Variants in DENND1A observed in about 807,000 individuals in gnomAD.
DENND1A encodes DENN domain-containing protein 1A.
Under a neutral mutation model 113.7 loss-of-function variants are expected in DENND1A, and 51 were observed. That is an observed-to-expected ratio of 0.45 (90% CI 0.36 to 0.57). DENND1A has a LOEUF of 0.57. Among genes scored for constraint, DENND1A ranks in the 20% least tolerant of loss-of-function variants. The probability of loss-of-function intolerance (pLI) is 0.00; values close to 1 mark genes in which losing one functional copy is unlikely to be tolerated. For missense variants in DENND1A, 1,258 were observed against 1,395.9 expected, an observed-to-expected ratio of 0.90 and a Z score of 1.57; for synonymous variants, 565 against 570.8, an observed-to-expected ratio of 0.99 and a Z score of 0.14.
At chr9:123,483,999 C>A (rs892453994) in intron 13 of DENND1A, among the ~76,000 whole-genome samples, 8 of 152,156 alleles carry the variant, frequency 5.3e-5, no homozygotes, top group African/African-American at 1.9e-4. Context: ...GGAGCCATGC[C>A]ATACATGCTA....
intron 9 of DENND1A, among the ~76,000 whole-genome samples, chr9:123,632,066 T>G (rs1161639839): frequency 4.6e-5 from 7 of 151,976 alleles, no homozygotes; most frequent in Non-Finnish European, 1.5e-5. Flanking sequence ...GGCGAAAGAG[T>G]GACGTGCCAA....
intron 2 of DENND1A, among the ~76,000 whole-genome samples, chr9:123,856,210 A>T (rs968251652): frequency 6.6e-6 from 1 of 152,242 alleles, no homozygotes; most frequent in African/African-American, 2.4e-5. Context: ...AAGTCGAGGT[A>T]CACGTCCATA....
At chr9:123,652,365 T>C in intron 8 of DENND1A, 1 of 410,080 alleles carries the variant, frequency 2.4e-6, no homozygotes, top group Non-Finnish European at 4.5e-6. Context: ...GATTACAACA[T>C]GAGGTCGCAT....
At chr9:123,406,193 C>A (rs185364994) in intron 20 of DENND1A, among the ~76,000 whole-genome samples, 1 of 152,254 alleles carries the variant, frequency 6.6e-6, no homozygotes, top group Non-Finnish European at 1.5e-5. Context: ...GGTCTGCGCA[C>A]GTCTGATCTA....
intron 13 of DENND1A, among the ~76,000 whole-genome samples, chr9:123,504,532 T>C (rs1282879096): frequency 1.3e-5 from 2 of 152,210 alleles, no homozygotes; most frequent in Admixed American, 1.3e-4. Context: ...GTTAAAAAAT[T>C]TTTCATTTCT....
intron 10 of DENND1A, among the ~76,000 whole-genome samples, chr9:123,623,025 G>A (rs940948368): frequency 6.6e-6 from 1 of 152,138 alleles, no homozygotes; most frequent in Non-Finnish European, 1.5e-5. Flanking sequence ...ATATTCATAA[G>A]GCCTGGAAAT....
chr9:123,818,068 A>G (rs1837796322), intron 2 of DENND1A, among the ~76,000 whole-genome samples: 1 of 152,024 alleles, frequency 6.6e-6, no homozygotes. Context: ...ATGCAAATAA[A>G]TGTGTATAAT....
intron 19 of DENND1A, among the ~76,000 whole-genome samples, chr9:123,428,250 C>T (rs1457951733): frequency 6.6e-6 from 1 of 152,186 alleles, no homozygotes; most frequent in African/African-American, 2.4e-5. Flanking sequence ...GTTCAACATA[C>T]ACAAATCAAT....
At chr9:123,687,289 T>C (rs1466024811) in intron 5 of DENND1A, among the ~76,000 whole-genome samples, 2 of 152,232 alleles carry the variant, frequency 1.3e-5, no homozygotes, top group Non-Finnish European at 1.5e-5. Flanking sequence ...CCAAACACTC[T>C]GTACCATATG....
At chr9:123,504,959 A>G (rs769235801) in intron 13 of DENND1A, among the ~76,000 whole-genome samples, 10 of 152,246 alleles carry the variant, frequency 6.6e-5, no homozygotes, top group South Asian at 2.1e-4. Flanking sequence ...AGACTACAAG[A>G]AAGCGGCGAC....
intron 18 of DENND1A, among the ~76,000 whole-genome samples, chr9:123,444,560 A>G: frequency 6.6e-6 from 1 of 152,200 alleles, no homozygotes; most frequent in Non-Finnish European, 1.5e-5. Context: ...AGGCTGAGGC[A>G]AGAAAATTGC....
rs563738515 is a variant in DENND1A, at chr9:123,665,741, G to A, written c.507+1285C>T. On this transcript the variant is annotated intron_variant, in intron 8 of 23. Coordinates refer to ENST00000394215, the MANE Select transcript of DENND1A (RefSeq NM_001352964.2). Reference sequence around the variant, plus strand: ...CAGAGACTCAAACAGGCATTTGTACGCCAATGTTCAAAGCAGTAATATTGA... The same window carrying A: ...CAGAGACTCAAACAGGCATTTGTACACCAATGTTCAAAGCAGTAATATTGA... 5.3e-5 allele frequency among the ~76,000 whole-genome samples: 8 copies of A among 152,246 alleles called. No individual in the cohort carries two copies. The East Asian group carries it at 7.7e-4, about 15-fold the overall frequency.
intron 21 of DENND1A, among the ~76,000 whole-genome samples, chr9:123,398,703 T>C (rs1302452034): frequency 2.0e-5 from 3 of 148,190 alleles, no homozygotes; most frequent in Non-Finnish European, 4.5e-5. Flanking sequence ...AAGCACCCAG[T>C]TGGATGGGCA....
intron 4 of DENND1A, chr9:123,759,279 T>C (rs2070840142): frequency 6.6e-6 from 1 of 152,344 alleles, no homozygotes; most frequent in African/African-American, 2.4e-5. Context: ...TAGACAAATG[T>C]ATAGGCTCAA....
chr9:123,667,836 C>T (rs10986083), intron 7 of DENND1A, among the ~76,000 whole-genome samples: 1 of 151,792 alleles, frequency 6.6e-6, no homozygotes, highest in African/African-American at 2.4e-5. Flanking sequence ...CCCCAAAGGC[C>T]TAAGTGATGT....
intron 1 of DENND1A, among the ~76,000 whole-genome samples, chr9:123,916,371 C>CTTTTTT (rs545019678): frequency 3.2e-5 from 4 of 126,648 alleles, no homozygotes; most frequent in African/African-American, 9.0e-5. Context: ...TACGTATTTG[C>CTTTTTT]TTTTTTTTTT....
intron 13 of DENND1A, among the ~76,000 whole-genome samples, chr9:123,513,388 C>T (rs747328975): frequency 1.2e-4 from 19 of 152,248 alleles, no homozygotes; most frequent in Non-Finnish European, 2.2e-4. Context: ...AAGTAAGAAA[C>T]ACTTTTTAGG....
At chr9:123,399,092 G>C (rs142690972) in intron 21 of DENND1A, among the ~76,000 whole-genome samples, 1 of 152,120 alleles carries the variant, frequency 6.6e-6, no homozygotes, top group African/African-American at 2.4e-5. Flanking sequence ...CACCGCGCCC[G>C]GCCGTGGCCT....
intron 1 of DENND1A, among the ~76,000 whole-genome samples, chr9:123,897,943 C>CG (rs1418438243): frequency 3.8e-5 from 5 of 132,110 alleles, no homozygotes; most frequent in East Asian, 2.1e-4. Context: ...CTGTCTCAAG[C>CG]GGAAAAAAAA....
Sources: gnomAD v4.1 joint callset for allele counts (sites outside exome capture counted in the v4.1 genomes callset) on GRCh38, gnomAD v4.1.1 for gene constraint, MANE v1.5 for transcripts, NCBI Gene and HGNC (gene_info 2026-07-23, HGNC 2026-07-21) for gene names.